The following ALX4 variants were observed in gnomAD, a reference collection of about 807,000 sequenced individuals.
ALX4 encodes the protein ALX homeobox 4, also known as homeobox protein aristaless-like 4.
In ALX4, 22 loss-of-function variants were observed where a neutral mutation model predicts 40.6. The ratio of observed to expected loss-of-function variants is 0.54; its 90% confidence interval spans 0.39 to 0.77. ALX4 has a LOEUF of 0.77. Among genes scored for constraint, ALX4 ranks in the 30% least tolerant of loss-of-function variants. The probability of loss-of-function intolerance (pLI) is 0.00; values close to 1 mark genes in which losing one functional copy is unlikely to be tolerated. For synonymous variants in ALX4, 266 were observed against 240.5 expected, an observed-to-expected ratio of 1.11 and a Z score of -0.98; for missense variants, 556 against 564.8, an observed-to-expected ratio of 0.98 and a Z score of 0.16.
intron 1 of ALX4, among the ~76,000 whole-genome samples, chr11:44,286,482 C>T (rs1042095718): frequency 1.3e-5 from 2 of 152,130 alleles, no homozygotes; most frequent in Non-Finnish European, 2.9e-5. Flanking sequence ...GTTGTGCATG[C>T]TGGCCACCAG....
chr11:44,262,938 A>C lies in ALX4; in HGVS notation c.*1916T>G, dbSNP rs1421172079. On this transcript the variant is annotated 3_prime_UTR_variant, in exon 4 of 4. Transcript: ENST00000652299. Reference sequence around the variant, plus strand: ...CAAATATTTGAAACACTTAAAGCCAAGCCTCCAAGAACATTTAATTCAATG... The same window carrying C: ...CAAATATTTGAAACACTTAAAGCCACGCCTCCAAGAACATTTAATTCAATG... 6.6e-6 allele frequency: 1 copy of C among 152,228 alleles called. No homozygotes were observed. Among genetic ancestry groups the C allele is most frequent in the Non-Finnish European group, 1.5e-5 (1 of 68,058 alleles). 9.4% of individuals were successfully genotyped at this position (152,228 alleles called of 1,614,324 possible).
Position 44,267,607 on chromosome 11 carries a change from G to A in ALX4, c.793C>T (p.Arg265Ter), listed in dbSNP as rs267606653. 6.2e-7 allele frequency: 1 copy of A among 1,614,140 alleles called. No individual in the cohort carries two copies. Among genetic ancestry groups the A allele is most frequent in the Non-Finnish European group, 8.5e-7 (1 of 1,180,010 alleles). The change falls in exon 3 of 4, where the codon CGA (arginine) becomes TGA (stop). Residue 265 changes from arginine (R) to a stop codon, truncating the protein, a stop_gained. Transcript: ENST00000652299. LOFTEE classifies it high-confidence loss of function. Reference sequence around the variant, plus strand: ...TCCCGCTTCCTCCACTTGGCCCTTCGGTTCTGGAACCAGACCTACAAGACG... The same window carrying A: ...TCCCGCTTCCTCCACTTGGCCCTTCAGTTCTGGAACCAGACCTACAAGACG... The part of the protein sequence containing the change: ...EARVQVWFQN[R>*]RAKWRKRERF...
intron 2 of ALX4, among the ~76,000 whole-genome samples, chr11:44,271,097 G>A (rs963222386): frequency 6.6e-6 from 1 of 152,104 alleles, no homozygotes; most frequent in African/African-American, 2.4e-5. Context: ...GCCACCAGCT[G>A]AGTATGGGCC....
intron 1 of ALX4, among the ~76,000 whole-genome samples, chr11:44,291,281 G>A (rs571773427): frequency 1.5e-4 from 23 of 152,192 alleles, no homozygotes; most frequent in Non-Finnish European, 2.8e-4. Flanking sequence ...CCTTTAGACT[G>A]TGCCCTCACC....
At chr11:44,284,574 G>T (rs561900115) in intron 1 of ALX4, among the ~76,000 whole-genome samples, 1 of 152,278 alleles carries the variant, frequency 6.6e-6, no homozygotes, top group East Asian at 1.9e-4. Context: ...CTGTACATCA[G>T]GCTTATGTGG....
intron 1 of ALX4, among the ~76,000 whole-genome samples, chr11:44,298,392 C>G (rs1047603305): frequency 3.7e-4 from 57 of 152,258 alleles, no homozygotes; most frequent in African/African-American, 1.3e-3. Flanking sequence ...GCATCCTGGC[C>G]AGAAGAGAGG....
intron 1 of ALX4, among the ~76,000 whole-genome samples, chr11:44,289,339 G>T (rs1253396585): frequency 1.3e-5 from 2 of 152,152 alleles, no homozygotes; most frequent in Non-Finnish European, 2.9e-5. Flanking sequence ...TCCAACCAGG[G>T]CTGATTACAA....
At position 44,276,187 on chromosome 11, in the gene ALX4, G is replaced by A. The variant is rs368583675; in HGVS notation, c.467-529C>T. ...TAGTCCCACCAGGAGTTCAGCAGGA[G>A]CTGTGGAGACTCTGCCCCAAGAGTC... On this transcript the variant is annotated intron_variant, in intron 1 of 3. Coordinates refer to ENST00000652299, the MANE Select transcript of ALX4 (RefSeq NM_021926.4). Among the ~76,000 whole-genome samples the A allele has an allele frequency of 1.5e-3, 232 of 152,322 alleles. 2 individuals are homozygous for A. Among genetic ancestry groups the A allele is most frequent in the African/African-American group, 5.1e-3 (213 of 41,566 alleles).
chr11:44,292,933 TA>T (rs1241850218), intron 1 of ALX4, among the ~76,000 whole-genome samples: 4 of 150,480 alleles, frequency 2.7e-5, no homozygotes, highest in Non-Finnish European at 5.9e-5. Context: ...CCCATCTCTA[TA>T]AAAAAAATTT....
chr11:44,300,613 T>G (rs2119886173), intron 1 of ALX4, among the ~76,000 whole-genome samples: 1 of 152,268 alleles, frequency 6.6e-6, no homozygotes, highest in Non-Finnish European at 1.5e-5. Flanking sequence ...GTGCAGGATG[T>G]ACGGGGCAGA....
At chr11:44,270,362 G>A (rs970159541) in intron 2 of ALX4, among the ~76,000 whole-genome samples, 3 of 152,064 alleles carry the variant, frequency 2.0e-5, no homozygotes, top group Non-Finnish European at 2.9e-5. Context: ...TGAGCGACCG[G>A]TGGGAGCAGG....
intron 2 of ALX4, among the ~76,000 whole-genome samples, chr11:44,268,151 T>C (rs1349858781): frequency 1.3e-5 from 2 of 152,016 alleles, no homozygotes; most frequent in Non-Finnish European, 2.9e-5. Context: ...AGCTCAGAAC[T>C]CCCCTGTGTT....
At chr11:44,299,386 G>T (rs1373005123) in intron 1 of ALX4, among the ~76,000 whole-genome samples, 1 of 139,986 alleles carries the variant, frequency 7.1e-6, no homozygotes, top group Admixed American at 7.6e-5. Context: ...TTGTGAGATG[G>T]ATCTTGCTCT....
chr11:44,268,586 T>A (rs1351906220), intron 2 of ALX4, among the ~76,000 whole-genome samples: 1 of 151,270 alleles, frequency 6.6e-6, no homozygotes, highest in Non-Finnish European at 1.5e-5. Flanking sequence ...TGACGGGGAG[T>A]ATTGGGTCCT....
chr11:44,264,324 C>A lies in ALX4; in HGVS notation c.*530G>T, dbSNP rs1313954603. On this transcript the variant is annotated 3_prime_UTR_variant, in exon 4 of 4. Transcript: ENST00000652299. ...GTGGAGGCTGGCGCCTTGGCCCCAG[C>A]AGGTCGGATTCCGTGTGCTTTCAGG... 4 of 160,848 alleles carry A rather than the reference C, an allele frequency of 2.5e-5. No individual in the cohort carries two copies. The highest frequency in any genetic ancestry group is 4.1e-5 in the Non-Finnish European group (3 of 73,680). The allele number at this position is 160,848 out of a possible 1,614,324, so 10.0% of individuals were successfully genotyped here.
At chr11:44,291,410 C>CT (rs1565006737) in intron 1 of ALX4, among the ~76,000 whole-genome samples, 16 of 69,332 alleles carry the variant, frequency 2.3e-4, no homozygotes, top group South Asian at 1.4e-3. Context: ...TTCTTTCTTT[C>CT]TTTCTTTCTT....
At chr11:44,267,649 A>C (rs1956221399) in intron 2 of ALX4, 27 bp from the exon 3 acceptor site, 2 of 1,613,910 alleles carry the variant, frequency 1.2e-6, no homozygotes. Context: ...AGCCATTGTC[A>C]CCAGGGTGAG....
intron 2 of ALX4, among the ~76,000 whole-genome samples, chr11:44,271,147 C>T (rs1956244531): frequency 4.8e-5 from 1 of 21,018 alleles, no homozygotes; most frequent in South Asian, 4.1e-3. Flanking sequence ...GGTTCCATCA[C>T]CACCCCCTTA....
intron 2 of ALX4, 130 bp from the exon 3 acceptor site, chr11:44,267,752 AC>A: frequency 8.1e-7 from 1 of 1,238,152 alleles, no homozygotes; most frequent in South Asian, 1.2e-5. Flanking sequence ...GTGCGGCCAC[AC>A]ATAAATATCA....
Sources: gnomAD v4.1 joint callset for allele counts (sites outside exome capture counted in the v4.1 genomes callset) on GRCh38, gnomAD v4.1.1 for gene constraint, MANE v1.5 for transcripts, NCBI Gene and HGNC (gene_info 2026-07-23, HGNC 2026-07-21) for gene names.